Variants in ITGB5 observed in about 807,000 individuals in gnomAD.
ITGB5 encodes the protein integrin beta-5.
A neutral mutation model predicts 84.8 loss-of-function variants in ITGB5; 38 were observed. The ratio of observed to expected loss-of-function variants is 0.45; its 90% CI spans 0.35 to 0.59. ITGB5 has a LOEUF of 0.59. Among genes scored for constraint, ITGB5 ranks in the 20% least tolerant of loss-of-function variants. ITGB5 has a pLI of 0.01. For missense variants in ITGB5, 905 were observed against 1,034.5 expected (o/e 0.87, Z 1.72); for synonymous variants, 393 against 414.4 (o/e 0.95, Z 0.63).
At chr3:124,839,630 TA>T (rs906959636) in intron 5 of ITGB5, among the ~76,000 whole-genome samples, 1 of 152,212 alleles carries the variant, frequency 6.6e-6, no homozygotes, top group African/African-American at 2.4e-5. Flanking sequence ...TTTTTTTCCC[TA>T]CCAAGAAGCA....
At chr3:124,873,700 C>T (rs1194793675) in intron 1 of ITGB5, among the ~76,000 whole-genome samples, 169 bp from the exon 2 acceptor site, 1 of 152,114 alleles carries the variant, frequency 6.6e-6, no homozygotes, top group East Asian at 1.9e-4. Flanking sequence ...TAAGGCTGAA[C>T]ATTGAGTTTT....
At chr3:124,765,047 C>CA (rs945610339) in intron 13 of ITGB5, among the ~76,000 whole-genome samples, 1 of 152,196 alleles carries the variant, frequency 6.6e-6, no homozygotes, top group African/African-American at 2.4e-5. Flanking sequence ...GCATTGGAAA[C>CA]AAAGCCTCAT....
intron 5 of ITGB5, among the ~76,000 whole-genome samples, chr3:124,825,914 G>C (rs1261395695): frequency 1.3e-5 from 2 of 152,106 alleles, no homozygotes; most frequent in Non-Finnish European, 1.5e-5. Context: ...AAAGGGAAAG[G>C]CATGAATATC....
chr3:124,767,625 G>A (rs2063785682), intron 12 of ITGB5, among the ~76,000 whole-genome samples: 1 of 152,198 alleles, frequency 6.6e-6, no homozygotes, highest in African/African-American at 2.4e-5. Flanking sequence ...AGGTCGGCCA[G>A]GCCCTGAGCT....
chr3:124,800,169 C>T (rs1368907558), intron 9 of ITGB5, among the ~76,000 whole-genome samples: 1 of 152,118 alleles, frequency 6.6e-6, no homozygotes, highest in African/African-American at 2.4e-5. Flanking sequence ...ACAGCTGAAA[C>T]CCTGTACTTC....
intron 6 of ITGB5, among the ~76,000 whole-genome samples, chr3:124,820,950 T>C (rs2064692271): frequency 6.6e-6 from 1 of 152,140 alleles, no homozygotes; most frequent in Non-Finnish European, 1.5e-5. Flanking sequence ...ATAACTTCTA[T>C]ACCAGTTGTG....
chr3:124,891,588 T>C (rs1935001721), upstream of ITGB5, among the ~76,000 whole-genome samples: 1 of 99,542 alleles, frequency 1.0e-5, no homozygotes, highest in Non-Finnish European at 1.9e-5. Flanking sequence ...AGTGCATAAC[T>C]GCCTCAAAAA....
chr3:124,775,863 G>A (rs1489168467), intron 10 of ITGB5, among the ~76,000 whole-genome samples: 4 of 152,278 alleles, frequency 2.6e-5, no homozygotes, highest in South Asian at 2.1e-4. Flanking sequence ...CCCTGGCTCC[G>A]TCCACTCTCT....
intron 5 of ITGB5, among the ~76,000 whole-genome samples, chr3:124,835,133 AC>A (rs1205195788): frequency 3.9e-5 from 6 of 152,154 alleles, no homozygotes; most frequent in Non-Finnish European, 7.4e-5. Flanking sequence ...ACTTGTTTAC[AC>A]TAGAGGGCAA....
chr3:124,890,980 TC>T (rs974976212), upstream of ITGB5, among the ~76,000 whole-genome samples: 6 of 150,832 alleles, frequency 4.0e-5, no homozygotes, highest in East Asian at 1.9e-4. Context: ...GAGGCAAAAC[TC>T]CCCCCCCAGC....
chr3:124,842,076 C>T (rs1297700331), intron 4 of ITGB5, among the ~76,000 whole-genome samples: 1 of 152,238 alleles, frequency 6.6e-6, no homozygotes. Context: ...CCAGGATGTG[C>T]AGGCACATGG....
intron 5 of ITGB5, among the ~76,000 whole-genome samples, chr3:124,838,288 C>G (rs1474246357): frequency 6.6e-6 from 1 of 151,858 alleles, no homozygotes; most frequent in Non-Finnish European, 1.5e-5. Flanking sequence ...GAAAATAAGC[C>G]TATCACCTAT....
intron 10 of ITGB5, among the ~76,000 whole-genome samples, chr3:124,777,832 A>C (rs906764534): frequency 6.6e-6 from 1 of 152,216 alleles, no homozygotes; most frequent in Admixed American, 6.5e-5. Flanking sequence ...ATCCCAATCC[A>C]AATGTCTCAG....
chr3:124,888,974 G>A (rs900902891), upstream of ITGB5, among the ~76,000 whole-genome samples: 1 of 152,220 alleles, frequency 6.6e-6, no homozygotes, highest in Admixed American at 6.5e-5. Flanking sequence ...TCCATAGCAA[G>A]CTCCTTTATA....
At chr3:124,872,772 T>C (rs749262727) in intron 2 of ITGB5, among the ~76,000 whole-genome samples, 9 of 152,164 alleles carry the variant, frequency 5.9e-5, no homozygotes, top group Non-Finnish European at 5.9e-5. Flanking sequence ...TCTTTCTTTC[T>C]TTCCTGATTT....
intron 6 of ITGB5, 68 bp from the exon 7 acceptor site, chr3:124,819,902 A>G: frequency 2.6e-6 from 3 of 1,132,498 alleles, no homozygotes; most frequent in Non-Finnish European, 4.1e-6. Flanking sequence ...CCTGGCTCCA[A>G]TGCACAGTCA....
upstream of ITGB5, among the ~76,000 whole-genome samples, chr3:124,888,875 C>T (rs935238673): frequency 6.6e-6 from 1 of 152,168 alleles, no homozygotes; most frequent in Non-Finnish European, 1.5e-5. Context: ...TGGCCTCCTC[C>T]CAAACTCTAA....
At chr3:124,809,442 C>G (rs1053259036) in intron 8 of ITGB5, 1 of 317,060 alleles carries the variant, frequency 3.2e-6, no homozygotes, top group Non-Finnish European at 6.0e-6. Flanking sequence ...GGGTTATGCC[C>G]CATCCCCTGC....
At chr3:124,896,644 C>G in intron 1 of ITGB5, among the ~76,000 whole-genome samples, 1 of 150,446 alleles carries the variant, frequency 6.6e-6, no homozygotes, top group East Asian at 2.0e-4. Flanking sequence ...ACTTGAGAGG[C>G]TGAGGTGGAA....
Sources: allele counts gnomAD v4.1 joint callset (sites outside exome capture counted in the v4.1 genomes callset), GRCh38; gene constraint gnomAD v4.1.1; transcripts MANE v1.5; gene names NCBI Gene and HGNC (gene_info 2026-07-23, HGNC 2026-07-21).